The following TBX20 variants were observed in gnomAD, a reference collection of about 807,000 sequenced individuals.
The protein encoded by TBX20 is T-box transcription factor TBX20.
Under a neutral mutation model 42.9 loss-of-function variants are expected in TBX20, and 8 were observed. The observed-to-expected ratio is 0.19, with a 90% CI of 0.11 to 0.34. TBX20 has a LOEUF of 0.34. TBX20 is among the 10% of genes least tolerant of loss of function. The pLI, the probability that TBX20 is intolerant of heterozygous loss-of-function variation, is 1.00. For synonymous variants in TBX20, 198 were observed against 222.8 expected, an observed-to-expected ratio of 0.89 and a Z score of 0.99; for missense variants, 411 against 566.0, an observed-to-expected ratio of 0.73 and a Z score of 2.78.
intron 6 of TBX20, among the ~76,000 whole-genome samples, chr7:35,214,390 C>G (rs1314246303): frequency 6.6e-6 from 1 of 152,074 alleles, no homozygotes; most frequent in Non-Finnish European, 1.5e-5. Context: ...AAAAGTGTAA[C>G]CTATTTTTAA....
chr7:35,229,709 G>C (rs1448094326), intron 6 of TBX20, among the ~76,000 whole-genome samples: 3 of 152,062 alleles, frequency 2.0e-5, no homozygotes, highest in Admixed American at 6.6e-5. Context: ...TTTACTCTAG[G>C]AGTAGTTTAT....
chr7:35,213,164 T>A (rs1562557983), intron 6 of TBX20, among the ~76,000 whole-genome samples: 1 of 152,216 alleles, frequency 6.6e-6, no homozygotes, highest in Non-Finnish European at 1.5e-5. Context: ...TCCAGTGTCA[T>A]AAAAAACATT....
At chr7:35,242,823 T>G (rs1362207) in intron 4 of TBX20, among the ~76,000 whole-genome samples, 3 of 151,920 alleles carry the variant, frequency 2.0e-5, no homozygotes, top group Non-Finnish European at 2.9e-5. Flanking sequence ...CTTGAGAATA[T>G]GAAAGTTTCC....
rs1306603419 is a variant in TBX20, at chr7:35,232,229, T to A, written c.814-649A>T. On this transcript the variant is annotated intron_variant, in intron 5 of 7. Transcript: ENST00000408931. ...TCCATGAAATGTTATTTATAAACTC[T>A]ATGTTTTTATGGAAAAACACATTCT... Among the ~76,000 whole-genome samples the A allele has an allele frequency of 3.3e-5, 5 of 152,336 alleles. No homozygotes were observed. In the East Asian group the frequency reaches 9.6e-4, roughly 29 times the overall value.
At chr7:35,235,382 G>A (rs1318989539) in intron 5 of TBX20, among the ~76,000 whole-genome samples, 1 of 151,142 alleles carries the variant, frequency 6.6e-6, no homozygotes, top group Non-Finnish European at 1.5e-5. Context: ...ATTCATGTCC[G>A]AATAGAGGAT....
chr7:35,227,309 G>A lies in TBX20; in HGVS notation c.890+4195C>T, dbSNP rs1219106575. On this transcript the variant is annotated intron_variant, in intron 6 of 7. Transcript: ENST00000408931. ...TTCATAAATTTAGTGTAGCCTAAGT[G>A]TACAGTGTTTATAAAGTCTACAGTA... Among the ~76,000 whole-genome samples the A allele has an allele frequency of 3.0e-4, 46 of 152,200 alleles. 1 individual carries two copies. Among genetic ancestry groups the A allele is most frequent in the Admixed American group, 3.0e-3 (46 of 15,260 alleles).
chr7:35,202,647 G>A lies in TBX20; in HGVS notation c.1127C>T (p.Ala376Val). 6.2e-7 allele frequency: 1 copy of A among 1,613,840 alleles called. No homozygotes were observed. The change falls in exon 8 of 8, where the codon GCA (alanine) becomes GTA (valine). Residue 376 changes from alanine to valine, a missense_variant. Around this residue, in one of 5 missense-constraint regions of TBX20, gnomAD observed 162 missense variants for 205.4 expected, o/e 0.79. Coordinates refer to ENST00000408931, the MANE Select transcript of TBX20 (RefSeq NM_001077653.2). ...CTGGATGGGGTGAGGAATGGGTGTTGCTATGGATGCTGTGCTGGTGCCAAG... is the reference window on the plus strand; with the variant it reads ...CTGGATGGGGTGAGGAATGGGTGTTACTATGGATGCTGTGCTGGTGCCAAG... Reference protein sequence around the residue: ...TALGTSTASIATPIPHPIQGS... With the variant: ...TALGTSTASIVTPIPHPIQGS...
rs1790066673 is a variant in TBX20 at position 35,240,975 on chromosome 7, G to A, written c.717C>T (p.His239=). The A allele has an allele frequency of 1.2e-6, 2 of 1,613,546 alleles. No individual in the cohort carries two copies. Among genetic ancestry groups the A allele is most frequent in the East Asian group, 2.2e-5 (1 of 44,884 alleles). Residue 239 remains histidine (H), a synonymous_variant, in exon 5 of 8, where the codon CAC becomes CAT. Coordinates refer to ENST00000408931, the MANE Select transcript of TBX20 (RefSeq NM_001077653.2). ...ACTTCAGGTTGAGCAATGAGGCTGTGTGGTCTTTCTTCTTAATGATGTGCA... is the reference window on the plus strand; with the variant it reads ...ACTTCAGGTTGAGCAATGAGGCTGTATGGTCTTTCTTCTTAATGATGTGCA... ...PRVHIIKKKD[H]TASLLNLKSE... is the part of the protein sequence containing the mutation.
chr7:35,202,944 A>G (rs1789331340), intron 7 of TBX20, among the ~76,000 whole-genome samples, 174 bp from the exon 8 acceptor site: 1 of 152,208 alleles, frequency 6.6e-6, no homozygotes, highest in African/African-American at 2.4e-5. Flanking sequence ...AGGTAAGAAG[A>G]TGATATTTAC....
chr7:35,225,765 A>T (rs1312587486), intron 6 of TBX20, among the ~76,000 whole-genome samples: 2 of 152,242 alleles, frequency 1.3e-5, no homozygotes, highest in Non-Finnish European at 2.9e-5. Context: ...AAATTCCTGT[A>T]ACATTTATGT....
At chr7:35,222,295 T>A (rs1315155545) in intron 6 of TBX20, among the ~76,000 whole-genome samples, 1 of 152,086 alleles carries the variant, frequency 6.6e-6, no homozygotes, top group East Asian at 1.9e-4. Flanking sequence ...ACATGGCACA[T>A]GTGGAGTGTT....
At chr7:35,214,030 CAG>C (rs1353903066) in intron 6 of TBX20, among the ~76,000 whole-genome samples, 2 of 151,568 alleles carry the variant, frequency 1.3e-5, no homozygotes, top group African/African-American at 2.4e-5. Flanking sequence ...AAAAATAAAA[CAG>C]AGAATAACAA....
At chr7:35,209,449 G>C (rs949272834) in intron 6 of TBX20, among the ~76,000 whole-genome samples, 18 of 152,072 alleles carry the variant, frequency 1.2e-4, no homozygotes, top group Non-Finnish European at 2.2e-4. Context: ...CATTTTAATT[G>C]TAAGTATTCA....
chr7:35,244,941 G>T lies in TBX20; in HGVS notation c.654+8C>A. 1.9e-6 allele frequency: 3 copies of T among 1,603,284 alleles called. No individual in the cohort carries two copies. The highest frequency in any genetic ancestry group is 2.6e-6 in the Non-Finnish European group (3 of 1,170,234). On this transcript the variant is annotated splice_region_variant and intron_variant, in intron 4 of 7. Coordinates refer to ENST00000408931, the MANE Select transcript of TBX20 (RefSeq NM_001077653.2). ...GGGAACCTGCACAGTCCAAGGCATG[G>T]TACTTACATGGCCATGTTGATCCAG... is the stretch of plus-strand genomic sequence containing the variant.
At chr7:35,247,976 T>C (rs1790227692) in intron 3 of TBX20, among the ~76,000 whole-genome samples, 1 of 152,226 alleles carries the variant, frequency 6.6e-6, no homozygotes, top group Non-Finnish European at 1.5e-5. Context: ...GCATGTGCTT[T>C]TTTAAGGATG....
At chr7:35,235,232 A>G (rs1219604524) in intron 5 of TBX20, among the ~76,000 whole-genome samples, 1 of 151,668 alleles carries the variant, frequency 6.6e-6, no homozygotes, top group Non-Finnish European at 1.5e-5. Context: ...ACCAGTAGCT[A>G]TATAGAAATT....
In TBX20 at chr7:35,244,855, A is replaced by AG. The variant is rs1790149341; in HGVS notation, c.654+93dup. Reference sequence around the variant, plus strand: ...CAGAGATAGAAGGTGGGAAGGGGATAGGGAAGGCAGGAAGGGACTCAGAGA... The same window carrying AG: ...CAGAGATAGAAGGTGGGAAGGGGATAGGGGAAGGCAGGAAGGGACTCAGAGA... On this transcript the variant is annotated intron_variant, in intron 4 of 7. Transcript: ENST00000408931. 2.6e-5 allele frequency: 22 copies of AG among 843,290 alleles called. No individual in the cohort carries two copies. The Admixed American group carries it at 4.0e-4, about 15-fold the overall frequency. The allele number at this position is 843,290 out of a possible 1,614,324, so 52.2% of individuals were successfully genotyped here.
At chr7:35,237,850 G>A (rs891422574) in intron 5 of TBX20, among the ~76,000 whole-genome samples, 13 of 141,782 alleles carry the variant, frequency 9.2e-5, no homozygotes, top group Non-Finnish European at 1.7e-4. Context: ...TGTGTGGTGT[G>A]AGCAGCACAT....
chr7:35,245,467 T>C lies in TBX20; in HGVS notation c.546-410A>G, dbSNP rs188652175. On this transcript the variant is annotated intron_variant, in intron 3 of 7. Transcript: ENST00000408931. ...ATCGCATGAGTTCCTATTATAAACA[T>C]CTCTTAAATAACAGTGAAAACATAA... Among the ~76,000 whole-genome samples the C allele has an allele frequency of 1.3e-3, 205 of 152,222 alleles. 1 individual carries two copies. The highest frequency in any genetic ancestry group is 4.7e-3 in the African/African-American group (195 of 41,534).
Sources: gnomAD v4.1 joint callset for allele counts (sites outside exome capture counted in the v4.1 genomes callset) on GRCh38, gnomAD v4.1.1 for gene constraint, gnomAD v4.1.1 regional missense constraint, MANE v1.5 for transcripts, NCBI Gene and HGNC (gene_info 2026-07-23, HGNC 2026-07-21) for gene names.